Variants in CCDC102B observed in about 807,000 individuals in gnomAD.
CCDC102B encodes the protein coiled-coil domain-containing protein 102B.
Under a neutral mutation model 57.4 loss-of-function variants are expected in CCDC102B, and 75 were observed. The observed-to-expected ratio is 1.31, with a 90% CI of 1.08 to 1.58. The LOEUF (loss-of-function observed/expected upper bound fraction) is 1.58. Ranked by LOEUF, CCDC102B falls within the 40% of genes most tolerant of loss-of-function variation. CCDC102B has a pLI of 0.00. For synonymous variants in CCDC102B, 206 were observed against 201.9 expected (o/e 1.02, Z -0.17); for missense variants, 636 against 582.6 (o/e 1.09, Z -0.94).
chr18:69,002,990 T>C (rs923059468), intron 6 of CCDC102B, among the ~76,000 whole-genome samples: 2 of 152,166 alleles, frequency 1.3e-5, no homozygotes, highest in Non-Finnish European at 2.9e-5. Context: ...GTCAACTCCA[T>C]GTCATCTTGT....
In CCDC102B at chr18:68,897,218, GC is replaced by G; in HGVS notation, c.1054del (p.Leu352Ter). ...TGCTTCTTTGTGTTTTCTGTGTGTA[GC>G]TAGAGAGATTGCAAGCTGAAAATAC... is the stretch of plus-strand genomic sequence containing the variant. Reference protein sequence around the residue: ...DRVICELRAELERLQAENTSE... With the variant: ...DRVICELRAEXERLQAENTSE... On this transcript the variant is annotated frameshift_variant and splice_region_variant, in exon 6 of 8. Coordinates refer to ENST00000360242, the MANE Select transcript of CCDC102B (RefSeq NM_024781.3). LOFTEE classifies it high-confidence loss of function. 6.2e-7 allele frequency: 1 copy of G among 1,611,008 alleles called. No homozygotes were observed. Among genetic ancestry groups the G allele is most frequent in the Non-Finnish European group, 8.5e-7 (1 of 1,178,288 alleles).
chr18:69,042,389 G>A lies in CCDC102B; in HGVS notation c.1435-11641G>A, dbSNP rs188759762. ...CTGCCACTAATGTGAAATCACAATT[G>A]GAGAAGATTTGGCAACAATATTTCC... On this transcript the variant is annotated intron_variant, in intron 7 of 7. Coordinates refer to ENST00000360242, the MANE Select transcript of CCDC102B (RefSeq NM_024781.3). Among the ~76,000 whole-genome samples the A allele has an allele frequency of 5.2e-3, 795 of 152,116 alleles. 2 individuals are homozygous for A. The highest frequency in any genetic ancestry group is 9.1e-3 in the Non-Finnish European group (618 of 67,974).
rs533268907 is a variant in CCDC102B at position 68,973,910 on chromosome 18, G to A, written c.1264-37024G>A. Among the ~76,000 whole-genome samples, 5 of 152,078 alleles carry A rather than the reference G, an allele frequency of 3.3e-5. No individual in the cohort carries two copies. The South Asian group carries it at 1.0e-3, about 32-fold the overall frequency. ...TGATAGAACTGCTATTCACTGTTCTGCAAAATCCACAACATCCCATCCACG... is the reference window on the plus strand; with the variant it reads ...TGATAGAACTGCTATTCACTGTTCTACAAAATCCACAACATCCCATCCACG... On this transcript the variant is annotated intron_variant, in intron 6 of 7. Coordinates refer to ENST00000360242, the MANE Select transcript of CCDC102B (RefSeq NM_024781.3).
intron 2 of CCDC102B, among the ~76,000 whole-genome samples, chr18:68,784,913 G>C (rs1431923184): frequency 6.6e-6 from 1 of 151,706 alleles, no homozygotes; most frequent in Admixed American, 6.6e-5. Flanking sequence ...TGCCATGCTG[G>C]TGCGCTGCAC....
At chr18:68,781,929 G>C (rs758527350) in intron 2 of CCDC102B, among the ~76,000 whole-genome samples, 1 of 152,016 alleles carries the variant, frequency 6.6e-6, no homozygotes, top group Non-Finnish European at 1.5e-5. Flanking sequence ...AGGTATTTTT[G>C]AGGGTTTCTA....
chr18:68,885,314 TAAA>T (rs771320337), intron 5 of CCDC102B, among the ~76,000 whole-genome samples: 5 of 151,992 alleles, frequency 3.3e-5, no homozygotes, highest in Non-Finnish European at 4.4e-5. Flanking sequence ...CAGAGCTCCT[TAAA>T]AAAGAAGTTT....
At chr18:68,907,238 A>ATTC (rs774473223) in intron 6 of CCDC102B, among the ~76,000 whole-genome samples, 5 of 152,058 alleles carry the variant, frequency 3.3e-5, no homozygotes, top group Non-Finnish European at 5.9e-5. Flanking sequence ...AGGAAGTGCG[A>ATTC]GTATTTCAAC....
chr18:69,052,029 A>G (rs537968097), intron 7 of CCDC102B, among the ~76,000 whole-genome samples: 52 of 143,062 alleles, frequency 3.6e-4, no homozygotes, highest in African/African-American at 1.1e-3. Flanking sequence ...AAAAATAACT[A>G]TGATTAAACC....
intron 6 of CCDC102B, among the ~76,000 whole-genome samples, chr18:68,956,415 AT>A (rs1351504724): frequency 8.8e-5 from 3 of 34,264 alleles, no homozygotes; most frequent in Non-Finnish European, 1.6e-4. Flanking sequence ...TTTTATATAT[AT>A]TATATATATT....
intron 4 of CCDC102B, among the ~76,000 whole-genome samples, chr18:68,862,800 TATGGAAAACTTTGGCTATATACAAAA>T (rs2038818393): frequency 6.6e-6 from 1 of 152,078 alleles, no homozygotes; most frequent in African/African-American, 2.4e-5. Context: ...AAGGTTTTAT[TATGGAAAACTTTGGCTATATACAAAA>T]ATAGAAAGAA....
intron 4 of CCDC102B, among the ~76,000 whole-genome samples, chr18:68,871,094 A>G (rs941312074): frequency 1.3e-5 from 2 of 152,144 alleles, no homozygotes; most frequent in Non-Finnish European, 2.9e-5. Context: ...GGATATGGCA[A>G]ATTGCCTGGT....
chr18:69,011,847 T>C (rs762390425), intron 7 of CCDC102B, among the ~76,000 whole-genome samples: 13 of 152,160 alleles, frequency 8.5e-5, no homozygotes, highest in Non-Finnish European at 1.3e-4. Context: ...TTCTATATAA[T>C]GCAAAACAGT....
chr18:68,736,771 G>C (rs1392758604), intron 2 of CCDC102B, among the ~76,000 whole-genome samples: 1 of 152,110 alleles, frequency 6.6e-6, no homozygotes, highest in Non-Finnish European at 1.5e-5. Context: ...CGACCCCCAT[G>C]ATTCAATTAC....
intron 1 of CCDC102B, among the ~76,000 whole-genome samples, chr18:68,836,548 A>G (rs1311023673): frequency 6.7e-6 from 1 of 149,024 alleles, no homozygotes; most frequent in Non-Finnish European, 1.5e-5. Flanking sequence ...GAATCGCTTG[A>G]ACCCTGGAGG....
intron 6 of CCDC102B, among the ~76,000 whole-genome samples, chr18:68,911,695 T>C (rs1051451271): frequency 4.1e-5 from 5 of 121,956 alleles, no homozygotes; most frequent in South Asian, 2.8e-4. Flanking sequence ...GAGCTTGCAG[T>C]GAGCCGAGAT....
At chr18:68,957,139 A>T (rs558190041) in intron 6 of CCDC102B, among the ~76,000 whole-genome samples, 1 of 151,876 alleles carries the variant, frequency 6.6e-6, no homozygotes, top group East Asian at 1.9e-4. Context: ...ACTTGATGTG[A>T]TCTCATTTCT....
At chr18:68,772,333 T>C (rs1200839058) in intron 2 of CCDC102B, among the ~76,000 whole-genome samples, 1 of 152,158 alleles carries the variant, frequency 6.6e-6, no homozygotes, top group Non-Finnish European at 1.5e-5. Context: ...GCTGGTAGCA[T>C]AGGCAGCCAA....
chr18:68,918,325 A>G (rs1235220404), intron 6 of CCDC102B, among the ~76,000 whole-genome samples: 2 of 152,154 alleles, frequency 1.3e-5, no homozygotes, highest in Non-Finnish European at 1.5e-5. Flanking sequence ...TTCCGCTTTA[A>G]CATTCACTGA....
At chr18:68,778,372 G>T (rs1033364922) in intron 2 of CCDC102B, among the ~76,000 whole-genome samples, 2 of 152,036 alleles carry the variant, frequency 1.3e-5, no homozygotes, top group Non-Finnish European at 2.9e-5. Flanking sequence ...GTATAAGTTT[G>T]ATTGCCAGAA....
Sources: allele counts gnomAD v4.1 joint callset (sites outside exome capture counted in the v4.1 genomes callset), GRCh38; gene constraint gnomAD v4.1.1; transcripts MANE v1.5; gene names NCBI Gene and HGNC (gene_info 2026-07-23, HGNC 2026-07-21).